The following BCKDHB variants were observed in gnomAD, a reference collection of about 807,000 sequenced individuals.
The protein encoded by BCKDHB is 2-oxoisovalerate dehydrogenase subunit beta, mitochondrial.
Under a neutral mutation model 48.5 loss-of-function variants are expected in BCKDHB, and 41 were observed. The observed-to-expected ratio is 0.85, with a 90% CI of 0.66 to 1.10. The LOEUF (loss-of-function observed/expected upper bound fraction) is 1.10. BCKDHB is among the 50% of genes least tolerant of loss of function. The pLI is 0.00. For missense variants in BCKDHB, 496 were observed against 494.2 expected, an observed-to-expected ratio of 1.00 and a Z score of -0.03; for synonymous variants, 201 against 174.8, an observed-to-expected ratio of 1.15 and a Z score of -1.18.
chr6:80,182,127 A>G (rs1773441513), intron 6 of BCKDHB, among the ~76,000 whole-genome samples: 1 of 152,176 alleles, frequency 6.6e-6, no homozygotes, highest in African/African-American at 2.4e-5. Flanking sequence ...GCATGGTAGC[A>G]TTTCTTGTAA....
At chr6:80,360,378 C>T in the BCKDHB span, among the ~76,000 whole-genome samples, 12 of 152,298 alleles carry the variant, frequency 7.9e-5, no homozygotes, top group African/African-American at 2.6e-4. Context: ...CAGCCCCCAA[C>T]AGGAAGGAAT....
rs1278499954 is a variant in BCKDHB at position 80,182,247 on chromosome 6, A to G, written c.742+10857A>G. Reference sequence around the variant, plus strand: ...GTATTGAGTAGCAGGAAGAATCAAAAGGTGTTCAGTCAACTGACAGTGCAA... The same window carrying G: ...GTATTGAGTAGCAGGAAGAATCAAAGGGTGTTCAGTCAACTGACAGTGCAA... On this transcript the variant is annotated intron_variant, in intron 6 of 9. Coordinates refer to ENST00000320393, the MANE Select transcript of BCKDHB (RefSeq NM_183050.4). Among the ~76,000 whole-genome samples the G allele has an allele frequency of 2.6e-5, 4 of 152,212 alleles. No homozygotes were observed. In the East Asian group the frequency reaches 7.7e-4, roughly 29 times the overall value.
the BCKDHB span, among the ~76,000 whole-genome samples, chr6:80,400,985 G>A: frequency 1.8e-3 from 267 of 147,138 alleles, 12 homozygotes; most frequent in African/African-American, 7.0e-3. Flanking sequence ...CATACCATAT[G>A]TTCTCATTTA....
the BCKDHB span, among the ~76,000 whole-genome samples, chr6:80,429,193 G>A: frequency 6.6e-6 from 1 of 152,170 alleles, no homozygotes; most frequent in African/African-American, 2.4e-5. Flanking sequence ...GATGTGTGGT[G>A]TTATTTCTGA....
At chr6:80,122,937 C>T (rs1232906139) in intron 1 of BCKDHB, among the ~76,000 whole-genome samples, 2 of 152,044 alleles carry the variant, frequency 1.3e-5, no homozygotes, top group Non-Finnish European at 2.9e-5. Context: ...GACAGACGCT[C>T]CCAGAGCGGA....
rs778168544 is a variant in BCKDHB at position 80,167,801 on chromosome 6, C to A, written c.467C>A (p.Ala156Glu). Reference sequence around the variant, plus strand: ...CAGTTTGCAGATTATATTTTCCCTGCATTTGATCAGGTAAGTGAATGAACA... The same window carrying A: ...CAGTTTGCAGATTATATTTTCCCTGAATTTGATCAGGTAAGTGAATGAACA... The part of the protein sequence containing the change: ...EIQFADYIFP[A>E]FDQIVNEAAK... The change falls in exon 4 of 10, where the codon GCA becomes GAA. Residue 156 changes from alanine to glutamate, a missense_variant. Transcript: ENST00000320393. The A allele has an allele frequency of 6.2e-7, 1 of 1,613,704 alleles. No individual in the cohort carries two copies. Among genetic ancestry groups the A allele is most frequent in the Non-Finnish European group, 8.5e-7 (1 of 1,179,810 alleles).
At chr6:80,213,156 C>T (rs1333890620) in intron 8 of BCKDHB, among the ~76,000 whole-genome samples, 2 of 151,984 alleles carry the variant, frequency 1.3e-5, no homozygotes. Context: ...CTTCTTGGTG[C>T]TCATAAAAAA....
chr6:80,170,752 C>T (rs970169515), intron 5 of BCKDHB, among the ~76,000 whole-genome samples: 7 of 152,208 alleles, frequency 4.6e-5, no homozygotes, highest in African/African-American at 1.7e-4. Context: ...TTTGTTTTTG[C>T]TTTGCTATAT....
At chr6:80,444,534 G>A in the BCKDHB span, among the ~76,000 whole-genome samples, 2 of 152,074 alleles carry the variant, frequency 1.3e-5, no homozygotes, top group African/African-American at 4.8e-5. Flanking sequence ...TATAGTCAAA[G>A]TATTTTCTAA....
At chr6:80,218,569 A>G (rs1313585587) in intron 8 of BCKDHB, among the ~76,000 whole-genome samples, 1 of 151,838 alleles carries the variant, frequency 6.6e-6, no homozygotes, top group Admixed American at 6.6e-5. Context: ...TTCATCTCAT[A>G]TTTCCTCAGT....
At chr6:80,388,593 G>A in the BCKDHB span, among the ~76,000 whole-genome samples, 1 of 152,128 alleles carries the variant, frequency 6.6e-6, no homozygotes, top group Non-Finnish European at 1.5e-5. Flanking sequence ...GTATATACGT[G>A]GCTGGGGTCA....
chr6:80,397,914 CAAAAT>C, the BCKDHB span, among the ~76,000 whole-genome samples: 2 of 151,966 alleles, frequency 1.3e-5, no homozygotes, highest in Non-Finnish European at 2.9e-5. Context: ...AACAAACAAA[CAAAAT>C]AAACCTTACT....
At chr6:80,160,139 A>G (rs1340083976) in intron 3 of BCKDHB, among the ~76,000 whole-genome samples, 1 of 152,148 alleles carries the variant, frequency 6.6e-6, no homozygotes, top group African/African-American at 2.4e-5. Context: ...TCAGGAGGTA[A>G]TAGGCTGTCA....
At chr6:80,147,801 C>T (rs1771561879) in intron 3 of BCKDHB, among the ~76,000 whole-genome samples, 2 of 152,096 alleles carry the variant, frequency 1.3e-5, no homozygotes, top group Admixed American at 6.6e-5. Context: ...GTCTGAGAAC[C>T]ACAGCACCTA....
chr6:80,382,746 C>T, the BCKDHB span, among the ~76,000 whole-genome samples: 1 of 152,046 alleles, frequency 6.6e-6, no homozygotes, highest in East Asian at 1.9e-4. Context: ...ATCCAAAGAA[C>T]CAATGTGCCA....
At chr6:80,296,547 A>C (rs1000979753) in intron 9 of BCKDHB, among the ~76,000 whole-genome samples, 1 of 152,206 alleles carries the variant, frequency 6.6e-6, no homozygotes, top group African/African-American at 2.4e-5. Flanking sequence ...TTAGTGTGCT[A>C]TTATTGATAA....
the BCKDHB span, among the ~76,000 whole-genome samples, chr6:80,352,254 A>G: frequency 1.3e-5 from 2 of 151,968 alleles, no homozygotes; most frequent in Admixed American, 1.3e-4. Context: ...CTGGGACTAC[A>G]GGTGTGAGCC....
At chr6:80,278,987 C>A (rs1367427007) in intron 9 of BCKDHB, among the ~76,000 whole-genome samples, 3 of 152,084 alleles carry the variant, frequency 2.0e-5, no homozygotes, top group Non-Finnish European at 4.4e-5. Flanking sequence ...AAATGATTAT[C>A]TGGAAAAATT....
At chr6:80,284,730 C>T (rs1562202581) in intron 9 of BCKDHB, among the ~76,000 whole-genome samples, 1 of 151,980 alleles carries the variant, frequency 6.6e-6, no homozygotes, top group Non-Finnish European at 1.5e-5. Flanking sequence ...ATTTCTAAAC[C>T]TATATTTGTA....
Sources: gnomAD v4.1 joint callset for allele counts (sites outside exome capture counted in the v4.1 genomes callset) on GRCh38, gnomAD v4.1.1 for gene constraint, MANE v1.5 for transcripts, NCBI Gene and HGNC (gene_info 2026-07-23, HGNC 2026-07-21) for gene names.